Variants in SYT1 observed in about 807,000 individuals in gnomAD.
SYT1 encodes synaptotagmin-1.
SYT1 carries 8 observed loss-of-function variants against 44.8 expected under a neutral mutation model. The ratio of observed to expected loss-of-function variants is 0.18; its 90% confidence interval spans 0.10 to 0.32. The LOEUF (loss-of-function observed/expected upper bound fraction) is 0.32. Ranked by LOEUF, SYT1 falls within the 10% of genes least tolerant of loss-of-function variation. The probability of loss-of-function intolerance (pLI) is 1.00; values close to 1 mark genes in which losing one functional copy is unlikely to be tolerated. For synonymous variants in SYT1, 154 were observed against 188.8 expected (o/e 0.82, Z 1.51); for missense variants, 286 against 509.3 (o/e 0.56, Z 4.22).
At chr12:78,867,162 A>G (rs1443296442) in intron 1 of SYT1, among the ~76,000 whole-genome samples, 1 of 152,112 alleles carries the variant, frequency 6.6e-6, no homozygotes, top group Non-Finnish European at 1.5e-5. Flanking sequence ...ATTACCTCAC[A>G]TGTATGTACA....
At chr12:78,933,791 A>G (rs1877886255) in intron 1 of SYT1, among the ~76,000 whole-genome samples, 1 of 152,130 alleles carries the variant, frequency 6.6e-6, no homozygotes, top group African/African-American at 2.4e-5. Context: ...TCCTTGTTTT[A>G]CCTCATCAAG....
rs554842088 is a variant in SYT1 at position 79,265,072 on chromosome 12, T to C, written c.167-20715T>C. 5.3e-5 allele frequency among the ~76,000 whole-genome samples: 8 copies of C among 152,318 alleles called. No homozygotes were observed. In the South Asian group the frequency reaches 1.7e-3, roughly 32 times the overall value. On this transcript the variant is annotated intron_variant, in intron 4 of 10. Transcript: ENST00000261205. Reference sequence around the variant, plus strand: ...TAGTTTGGGTTTTTTTCAACCAAGTTTTCAACATTTTTAAGTTATGAAGTT... The same window carrying C: ...TAGTTTGGGTTTTTTTCAACCAAGTCTTCAACATTTTTAAGTTATGAAGTT...
intron 8 of SYT1, among the ~76,000 whole-genome samples, chr12:79,320,891 G>A (rs972976493): frequency 6.6e-6 from 1 of 151,922 alleles, no homozygotes; most frequent in Admixed American, 6.6e-5. Context: ...AAAGTGCTGG[G>A]ATTACAGGTG....
At chr12:79,397,151 C>A (rs901842240) in intron 9 of SYT1, among the ~76,000 whole-genome samples, 2 of 152,146 alleles carry the variant, frequency 1.3e-5, no homozygotes, top group Non-Finnish European at 2.9e-5. Flanking sequence ...AGGCAGGAAC[C>A]AGCTGGTGTA....
In SYT1 at chr12:79,024,260, C is replaced by T. The variant is rs137997314; in HGVS notation, c.-83-23037C>T. Among the ~76,000 whole-genome samples, 508 of 151,784 alleles carry T rather than the reference C, an allele frequency of 3.3e-3. 3 individuals carry two copies. Among genetic ancestry groups the T allele is most frequent in the Middle Eastern group, 0.027 (8 of 294 alleles). On this transcript the variant is annotated intron_variant, in intron 2 of 10. Transcript: ENST00000261205. ...AATGGGATTGAGAGAGGCGTGTGGC[C>T]AGCAAGCAGCAAGGCAAATTCGAGG...
chr12:79,226,191 A>C, intron 4 of SYT1, among the ~76,000 whole-genome samples: 1 of 152,202 alleles, frequency 6.6e-6, no homozygotes, highest in East Asian at 1.9e-4. Flanking sequence ...TAAATTTCCA[A>C]CACTTATGAA....
At chr12:79,438,898 G>A (rs1158989564) in intron 9 of SYT1, among the ~76,000 whole-genome samples, 1 of 152,130 alleles carries the variant, frequency 6.6e-6, no homozygotes, top group African/African-American at 2.4e-5. Flanking sequence ...GGGGTGCAGG[G>A]TAGTTTTACA....
chr12:78,881,336 C>G lies in SYT1; in HGVS notation c.-217+16227C>G, dbSNP rs73349509. On this transcript the variant is annotated intron_variant, in intron 1 of 10. Coordinates refer to ENST00000261205, the MANE Select transcript of SYT1 (RefSeq NM_005639.3). ...TTTTTCCCAACCCATCTCTGTAGTT[C>G]AAAGCTTATGTAATACTCTCAGCAT... Among the ~76,000 whole-genome samples, 738 of 151,644 alleles carry G rather than the reference C, an allele frequency of 4.9e-3. 9 individuals are homozygous for G. The highest frequency in any genetic ancestry group is 0.017 in the African/African-American group (704 of 41,416).
At chr12:79,288,803 G>A (rs990368062) in intron 5 of SYT1, among the ~76,000 whole-genome samples, 1 of 152,116 alleles carries the variant, frequency 6.6e-6, no homozygotes, top group Admixed American at 6.5e-5. Flanking sequence ...GTCCTTATCT[G>A]TGTTGTGTCT....
intron 3 of SYT1, among the ~76,000 whole-genome samples, chr12:79,115,575 A>G (rs1879233347): frequency 6.6e-6 from 1 of 152,222 alleles, no homozygotes. Context: ...AACCCCCTTA[A>G]GTGAAATATC....
At chr12:78,896,980 C>T (rs1875396932) in intron 1 of SYT1, among the ~76,000 whole-genome samples, 1 of 151,752 alleles carries the variant, frequency 6.6e-6, no homozygotes, top group Non-Finnish European at 1.5e-5. Context: ...CTGAGAACCT[C>T]ACAATCATGC....
chr12:79,078,584 T>C (rs1876817266), intron 3 of SYT1, among the ~76,000 whole-genome samples: 1 of 152,116 alleles, frequency 6.6e-6, no homozygotes, highest in Admixed American at 6.6e-5. Context: ...TGTACAGGTT[T>C]GTTACATAGG....
intron 4 of SYT1, among the ~76,000 whole-genome samples, chr12:79,262,400 T>C (rs1362100841): frequency 1.3e-5 from 2 of 152,172 alleles, no homozygotes; most frequent in East Asian, 1.9e-4. Flanking sequence ...TGTAAAATCT[T>C]TGGTGTTGAT....
intron 9 of SYT1, among the ~76,000 whole-genome samples, chr12:79,437,542 A>C (rs1449385130): frequency 6.6e-6 from 1 of 152,218 alleles, no homozygotes; most frequent in African/African-American, 2.4e-5. Context: ...TCATGGCCTT[A>C]TCGTATAGCA....
intron 3 of SYT1, among the ~76,000 whole-genome samples, chr12:79,125,640 AAAAAAAG>A (rs1868393787): frequency 6.7e-6 from 1 of 149,274 alleles, no homozygotes; most frequent in African/African-American, 2.4e-5. Context: ...AAAAAAAGAA[AAAAAAAG>A]AAAAGAGCTC....
chr12:79,119,027 C>T (rs903104731), intron 3 of SYT1, among the ~76,000 whole-genome samples: 1 of 152,120 alleles, frequency 6.6e-6, no homozygotes, highest in Non-Finnish European at 1.5e-5. Flanking sequence ...TTGCTGGTAC[C>T]ATCCAGCCAA....
chr12:79,102,714 G>T (rs2400369), intron 3 of SYT1, among the ~76,000 whole-genome samples: 1 of 152,050 alleles, frequency 6.6e-6, no homozygotes, highest in African/African-American at 2.4e-5. Context: ...AAACATATTC[G>T]AAATACCTCA....
chr12:79,265,206 T>C (rs1878057843), intron 4 of SYT1, among the ~76,000 whole-genome samples: 1 of 152,132 alleles, frequency 6.6e-6, no homozygotes, highest in Admixed American at 6.6e-5. Context: ...TCACAAATCA[T>C]TTACAGGGTT....
intron 8 of SYT1, among the ~76,000 whole-genome samples, chr12:79,349,058 G>GAAAGAAAGAAAAAGAAAGAAAGAAAGAA (rs1565920019): frequency 3.9e-5 from 5 of 126,946 alleles, no homozygotes; most frequent in African/African-American, 1.6e-4. Flanking sequence ...AGAAAGAAAG[G>GAAAGAAAGAAAAAGAAAGAAAGAAAGAA]AGGGAGGGAG....
Sources: gnomAD v4.1 joint callset for allele counts (sites outside exome capture counted in the v4.1 genomes callset) on GRCh38, gnomAD v4.1.1 for gene constraint, MANE v1.5 for transcripts, NCBI Gene and HGNC (gene_info 2026-07-23, HGNC 2026-07-21) for gene names.